The following THSD7A variants were observed in gnomAD, a reference collection of about 807,000 sequenced individuals.
The protein encoded by THSD7A is thrombospondin type-1 domain-containing protein 7A.
A neutral mutation model predicts 231.3 loss-of-function variants in THSD7A; 96 were observed. That is an observed-to-expected ratio of 0.41 (90% CI 0.35 to 0.49). The LOEUF is 0.49. Among genes scored for constraint, THSD7A ranks in the 20% least tolerant of loss-of-function variants. The probability of loss-of-function intolerance (pLI) is 0.05; values close to 1 mark genes in which losing one functional copy is unlikely to be tolerated. For synonymous variants in THSD7A, 940 were observed against 743.3 expected (o/e 1.26, Z -4.30); for missense variants, 2,290 against 2,070.2 (o/e 1.11, Z -2.06).
At chr7:11,646,720 C>A (rs1257667149) in intron 1 of THSD7A, among the ~76,000 whole-genome samples, 1 of 152,112 alleles carries the variant, frequency 6.6e-6, no homozygotes, top group East Asian at 1.9e-4. Context: ...AGTCCTATCA[C>A]AATTTTCACT....
intron 1 of THSD7A, among the ~76,000 whole-genome samples, chr7:11,658,851 G>C (rs1782808573): frequency 6.6e-6 from 1 of 151,660 alleles, no homozygotes; most frequent in Non-Finnish European, 1.5e-5. Context: ...CTCTTGAAAA[G>C]AAAATGAGCA....
At position 11,637,588 on chromosome 7, in the gene THSD7A, C is replaced by A. The variant is rs79902616; in HGVS notation, c.191-627G>T. Among the ~76,000 whole-genome samples, 343 of 69,646 alleles carry A rather than the reference C, an allele frequency of 4.9e-3. No homozygotes were observed. The highest frequency in any genetic ancestry group is 8.7e-3 in the South Asian group (24 of 2,764). 45.7% of individuals were successfully genotyped at this position (69,646 alleles called of 152,430 possible). A position where few individuals can be genotyped will look rare whatever the true frequency, so the allele number is the denominator to read the frequency against. Reference sequence around the variant, plus strand: ...TTCTGCCTTTAAATTTACCAAATTTCCCCCCCATTTCCCAAGTGAAGTATA... The same window carrying A: ...TTCTGCCTTTAAATTTACCAAATTTACCCCCCATTTCCCAAGTGAAGTATA... On this transcript the variant is annotated intron_variant, in intron 1 of 27. Transcript: ENST00000423059. This position sits in a 1 kb window ranked among gnomAD's most constrained non-coding sequence, Gnocchi z 4.2.
intron 2 of THSD7A, among the ~76,000 whole-genome samples, chr7:11,622,837 G>A (rs778924465): frequency 2.0e-4 from 31 of 152,068 alleles, no homozygotes; most frequent in Non-Finnish European, 4.1e-4. Context: ...AAGCATAGAG[G>A]AACAAAGTAA....
rs1280811363 is a variant in THSD7A, at chr7:11,373,011, T to A, written c.*2783A>T. 1 of 151,878 alleles carries A rather than the reference T, an allele frequency of 6.6e-6. No individual in the cohort carries two copies. Among genetic ancestry groups the A allele is most frequent in the Non-Finnish European group, 1.5e-5 (1 of 67,926 alleles). 9.4% of individuals were successfully genotyped at this position (151,878 alleles called of 1,614,324 possible). On this transcript the variant is annotated 3_prime_UTR_variant, in exon 28 of 28. Transcript: ENST00000423059. ...AACAGTGACCTTCCAATATGTTCTCTAATATTAGGTCATGTTGAACCTAAT... is the reference window on the plus strand; with the variant it reads ...AACAGTGACCTTCCAATATGTTCTCAAATATTAGGTCATGTTGAACCTAAT...
intron 1 of THSD7A, among the ~76,000 whole-genome samples, chr7:11,749,432 T>G (rs1782426302): frequency 1.3e-5 from 2 of 151,940 alleles, no homozygotes; most frequent in Non-Finnish European, 2.9e-5. Context: ...ATGTGTTGGG[T>G]GGCAGCACAG....
chr7:11,376,034 G>C (rs1187740336), intron 27 of THSD7A, among the ~76,000 whole-genome samples, 156 bp from the exon 28 acceptor site: 2 of 152,000 alleles, frequency 1.3e-5, no homozygotes, highest in African/African-American at 4.8e-5. Flanking sequence ...TTGATTTTCT[G>C]ATCTTGAATT....
In THSD7A at chr7:11,796,343, T is replaced by TA. The variant is rs1562562337; in HGVS notation, c.190+35413_190+35414insT. 5.2e-4 allele frequency among the ~76,000 whole-genome samples: 78 copies of TA among 149,162 alleles called. 1 individual carries two copies. Among genetic ancestry groups the TA allele is most frequent in the Middle Eastern group, 3.5e-3 (1 of 286 alleles). ...TCTGGTAAGAAATGTCCATCCACTT[T>TA]GAAAAAAAAAGGATACTGGCATTTC... On this transcript the variant is annotated intron_variant, in intron 1 of 27. Transcript: ENST00000423059.
intron 6 of THSD7A, among the ~76,000 whole-genome samples, chr7:11,502,975 A>G (rs551527705): frequency 4.1e-4 from 62 of 152,340 alleles, no homozygotes; most frequent in African/African-American, 1.4e-3. Context: ...TAAAATTTAT[A>G]TGAAACCAAA....
rs372947041 is a variant in THSD7A at position 11,469,959 on chromosome 7, G to A, written c.2288C>T (p.Pro763Leu). 8.8e-6 allele frequency: 14 copies of A among 1,599,242 alleles called. No individual in the cohort carries two copies. In the African/African-American group the frequency reaches 1.3e-4, roughly 15 times the overall value. Residue 763 changes from proline to leucine, a missense_variant, in exon 9 of 28, where the codon CCT (proline) becomes CTT (leucine). Coordinates refer to ENST00000423059, the MANE Select transcript of THSD7A (RefSeq NM_015204.3). ...PESLRPETVR[P>L]CLLPCKKDCI... Reference sequence around the variant, plus strand: ...GTCCTTCTTACAAGGAAGCAGACAAGGCCTTACAGTTTCAGGTCGAAGGCT... The same window carrying A: ...GTCCTTCTTACAAGGAAGCAGACAAAGCCTTACAGTTTCAGGTCGAAGGCT...
At chr7:11,725,310 T>C (rs778371079) in intron 1 of THSD7A, among the ~76,000 whole-genome samples, 1 of 151,996 alleles carries the variant, frequency 6.6e-6, no homozygotes, top group Admixed American at 6.6e-5. Flanking sequence ...ATGTCTTTAG[T>C]AGAAACTTAC....
intron 6 of THSD7A, among the ~76,000 whole-genome samples, chr7:11,510,386 T>C (rs1359282351): frequency 2.0e-5 from 3 of 152,084 alleles, no homozygotes; most frequent in Non-Finnish European, 4.4e-5. Context: ...ACTATTCCAA[T>C]CAACAGAAAA....
chr7:11,708,327 G>A (rs1043908997), intron 1 of THSD7A, among the ~76,000 whole-genome samples: 1 of 150,584 alleles, frequency 6.6e-6, no homozygotes, highest in Non-Finnish European at 1.5e-5. Flanking sequence ...AATGGATTTT[G>A]TTCATGCTTT....
chr7:11,675,633 T>TA (rs994554241), intron 1 of THSD7A, among the ~76,000 whole-genome samples: 2 of 152,024 alleles, frequency 1.3e-5, no homozygotes, highest in Admixed American at 1.3e-4. Flanking sequence ...TCTCACAGTG[T>TA]AAAAAAAGCA....
At chr7:11,743,899 C>T (rs1782190007) in intron 1 of THSD7A, among the ~76,000 whole-genome samples, 1 of 151,874 alleles carries the variant, frequency 6.6e-6, no homozygotes, top group African/African-American at 2.4e-5. Context: ...TGTACTTGAA[C>T]ATTAAGTGGG....
At chr7:11,641,472 TTAGA>T (rs1237274252) in intron 1 of THSD7A, among the ~76,000 whole-genome samples, 2 of 152,120 alleles carry the variant, frequency 1.3e-5, no homozygotes, top group Non-Finnish European at 2.9e-5. Context: ...TAAAGTTTGC[TTAGA>T]TAACTAAGAA....
chr7:11,738,083 T>A (rs1039179476), intron 1 of THSD7A, among the ~76,000 whole-genome samples: 1 of 152,058 alleles, frequency 6.6e-6, no homozygotes, highest in Non-Finnish European at 1.5e-5. Flanking sequence ...TCTTTTCTGT[T>A]GGAATCTAAG....
At chr7:11,505,662 T>G (rs74551768) in intron 6 of THSD7A, among the ~76,000 whole-genome samples, 1,579 of 152,280 alleles carry the variant, frequency 0.01, 36 homozygotes, top group African/African-American at 0.036. Flanking sequence ...AATAATCCTT[T>G]CCATTAGAAT....
At chr7:11,553,724 A>G (rs1789726882) in intron 4 of THSD7A, among the ~76,000 whole-genome samples, 2 of 152,054 alleles carry the variant, frequency 1.3e-5, no homozygotes, top group African/African-American at 2.4e-5. Flanking sequence ...AACTTTCTGA[A>G]GTTTCCAAAA....
chr7:11,681,868 T>C (rs904986727), intron 1 of THSD7A, among the ~76,000 whole-genome samples: 2 of 151,598 alleles, frequency 1.3e-5, no homozygotes, highest in African/African-American at 4.8e-5. Context: ...AAAGGGTTCA[T>C]ATTACCTATA....
Sources: allele counts gnomAD v4.1 joint callset (sites outside exome capture counted in the v4.1 genomes callset), GRCh38; gene constraint gnomAD v4.1.1; non-coding constraint Gnocchi (gnomAD v3.1); transcripts MANE v1.5; gene names NCBI Gene and HGNC (gene_info 2026-07-23, HGNC 2026-07-21).